TRAPPC3L: variants seen among roughly 807,000 people sequenced by gnomAD.
The protein encoded by TRAPPC3L is trafficking protein particle complex subunit 3-like protein.
In TRAPPC3L, 23 loss-of-function variants were observed where a neutral mutation model predicts 23.7. The ratio of observed to expected loss-of-function variants is 0.97; its 90% CI spans 0.70 to 1.37. The LOEUF (loss-of-function observed/expected upper bound fraction) is 1.37, where lower values mean the gene tolerates loss of function less well. Ranked by LOEUF, TRAPPC3L falls within the 40% of genes most tolerant of loss-of-function variation. The pLI is 0.00. For missense variants in TRAPPC3L, 212 were observed against 216.8 expected, an observed-to-expected ratio of 0.98 and a Z score of 0.14; for synonymous variants, 81 against 77.9, an observed-to-expected ratio of 1.04 and a Z score of -0.21.
At position 116,496,782 on chromosome 6, in the gene TRAPPC3L, A is replaced by G. The variant is rs1200134222; in HGVS notation, c.*172T>C. The G allele has an allele frequency of 2.2e-6, 2 of 906,124 alleles. No individual in the cohort carries two copies. Among genetic ancestry groups the G allele is most frequent in the Non-Finnish European group, 3.1e-6 (2 of 650,662 alleles). The allele number at this position is 906,124 out of a possible 1,614,324, so 56.1% of individuals were successfully genotyped here. ...TGAGATTGAAAATGCGTGATTTATAAGCAAAAGGAAAAAAAAACCTTTAAG... is the reference window on the plus strand; with the variant it reads ...TGAGATTGAAAATGCGTGATTTATAGGCAAAAGGAAAAAAAAACCTTTAAG... On this transcript the variant is annotated 3_prime_UTR_variant, in exon 5 of 5. Coordinates refer to ENST00000368602, the MANE Select transcript of TRAPPC3L (RefSeq NM_001139444.3).
At chr6:116,545,008 C>G (rs951234593) in intron 1 of TRAPPC3L, among the ~76,000 whole-genome samples, 1 of 151,630 alleles carries the variant, frequency 6.6e-6, no homozygotes, top group Non-Finnish European at 1.5e-5. Flanking sequence ...TATTACATAC[C>G]AAGCTACAAT....
intron 3 of TRAPPC3L, chr6:116,517,858 T>C (rs1390969463): frequency 6.6e-6 from 1 of 152,106 alleles, no homozygotes; most frequent in Non-Finnish European, 1.5e-5. Flanking sequence ...GTTGAGTCGA[T>C]CACAAATGGA....
intron 3 of TRAPPC3L, among the ~76,000 whole-genome samples, chr6:116,538,730 C>G (rs1323666151): frequency 6.7e-6 from 1 of 150,070 alleles, no homozygotes; most frequent in African/African-American, 2.5e-5. Context: ...TTAAATCTTT[C>G]TTTCTTTTTT....
intron 3 of TRAPPC3L, among the ~76,000 whole-genome samples, chr6:116,534,040 A>G (rs1479052610): frequency 6.6e-6 from 1 of 152,178 alleles, no homozygotes; most frequent in Non-Finnish European, 1.5e-5. Context: ...AGCCTTAAGA[A>G]GTGGAACTCT....
At chr6:116,540,861 G>T (rs1431195684) in intron 2 of TRAPPC3L, among the ~76,000 whole-genome samples, 1 of 152,046 alleles carries the variant, frequency 6.6e-6, no homozygotes, top group African/African-American at 2.4e-5. Flanking sequence ...TGTGATACCC[G>T]GATGCTCGCT....
chr6:116,498,812 C>G (rs1232892366), intron 4 of TRAPPC3L, among the ~76,000 whole-genome samples: 1 of 152,114 alleles, frequency 6.6e-6, no homozygotes, highest in Non-Finnish European at 1.5e-5. Flanking sequence ...CCTTCTTTTC[C>G]TACCTCTGAT....
chr6:116,544,403 T>C (rs1240451459), intron 1 of TRAPPC3L, among the ~76,000 whole-genome samples: 1 of 152,054 alleles, frequency 6.6e-6, no homozygotes, highest in East Asian at 1.9e-4. Context: ...TCAGTACCCA[T>C]AAAGGCCAGC....
chr6:116,524,350 G>A (rs552968928), intron 3 of TRAPPC3L: 15 of 152,272 alleles, frequency 9.9e-5, no homozygotes, highest in Non-Finnish European at 1.9e-4. Context: ...CAGTTATTTT[G>A]CTGAAGTTTT....
rs1771828027 is a variant in TRAPPC3L at position 116,495,910 on chromosome 6, TA to T, written c.*1043del. ...CCTATGGAGTTGGTTGAACTCCTTATATATTCTGGTTATTAATAGCACAAGG... is the reference window on the plus strand; with the variant it reads ...CCTATGGAGTTGGTTGAACTCCTTATTATTCTGGTTATTAATAGCACAAGG... On this transcript the variant is annotated 3_prime_UTR_variant, in exon 5 of 5. Transcript: ENST00000368602. 6.6e-6 allele frequency: 1 copy of T among 152,212 alleles called. No homozygotes were observed. Among genetic ancestry groups the T allele is most frequent in the Non-Finnish European group, 1.5e-5 (1 of 68,032 alleles). 9.4% of individuals were successfully genotyped at this position (152,212 alleles called of 1,614,324 possible). A position where few individuals can be genotyped will look rare whatever the true frequency, so the allele number is the denominator to read the frequency against.
At chr6:116,516,065 CTG>C in intron 3 of TRAPPC3L, 4 of 1,471,202 alleles carry the variant, frequency 2.7e-6, no homozygotes, top group Non-Finnish European at 3.6e-6. Flanking sequence ...CACCAGCAAC[CTG>C]TGTGTCTCTG....
intron 3 of TRAPPC3L, among the ~76,000 whole-genome samples, chr6:116,527,992 T>C (rs1309197657): frequency 1.3e-5 from 2 of 152,244 alleles, no homozygotes; most frequent in Non-Finnish European, 1.5e-5. Context: ...AGAGTATTTT[T>C]AGTAATAGAG....
chr6:116,501,156 A>T (rs1318242268), intron 3 of TRAPPC3L, among the ~76,000 whole-genome samples: 1 of 152,230 alleles, frequency 6.6e-6, no homozygotes, highest in Non-Finnish European at 1.5e-5. Context: ...CTTTTCTCAC[A>T]GTCTTCGCAT....
chr6:116,509,268 C>T (rs1772064279), intron 3 of TRAPPC3L, among the ~76,000 whole-genome samples: 1 of 152,088 alleles, frequency 6.6e-6, no homozygotes, highest in Non-Finnish European at 1.5e-5. Flanking sequence ...AACCATACTT[C>T]CCAAAGCAAT....
rs1183609041 is a variant in TRAPPC3L at position 116,496,249 on chromosome 6, C to G, written c.*705G>C. 1 of 152,040 alleles carries G rather than the reference C, an allele frequency of 6.6e-6. No homozygotes were observed. Among genetic ancestry groups the G allele is most frequent in the Admixed American group, 6.6e-5 (1 of 15,246 alleles). The allele number at this position is 152,040 out of a possible 1,614,324, so 9.4% of individuals were successfully genotyped here. A position where few individuals can be genotyped will look rare whatever the true frequency, so the allele number is the denominator to read the frequency against. On this transcript the variant is annotated 3_prime_UTR_variant, in exon 5 of 5. Coordinates refer to ENST00000368602, the MANE Select transcript of TRAPPC3L (RefSeq NM_001139444.3). The stretch of plus-strand genomic sequence containing the variant: ...AGTAATTTCAAAGAATATTATTTAT[C>G]CTTTATTTTAGAAGTTTCCTGGCCT...
intron 3 of TRAPPC3L, among the ~76,000 whole-genome samples, chr6:116,533,662 G>T (rs1183439954): frequency 2.0e-5 from 3 of 152,198 alleles, no homozygotes; most frequent in Non-Finnish European, 2.9e-5. Context: ...GCTGTTCAAT[G>T]CCCTACTTGT....
chr6:116,518,183 G>A (rs1772264274), intron 3 of TRAPPC3L: 1 of 152,232 alleles, frequency 6.6e-6, no homozygotes, highest in Non-Finnish European at 1.5e-5. Context: ...TAGAAGATGT[G>A]AGTAACTTTG....
intron 3 of TRAPPC3L, chr6:116,511,980 G>C: frequency 6.2e-7 from 1 of 1,614,016 alleles, no homozygotes; most frequent in South Asian, 1.1e-5. Flanking sequence ...CACAGCTGCC[G>C]TTTCTTCTAC....
chr6:116,495,300 C>T lies in TRAPPC3L; in HGVS notation c.*1654G>A, dbSNP rs1428585013. The T allele has an allele frequency of 6.6e-6, 1 of 151,962 alleles. No homozygotes were observed. The highest frequency in any genetic ancestry group is 1.5e-5 in the Non-Finnish European group (1 of 68,002). 9.4% of individuals were successfully genotyped at this position (151,962 alleles called of 1,614,324 possible). A position where few individuals can be genotyped will look rare whatever the true frequency, so the allele number is the denominator to read the frequency against. ...TTCTGTCCTGACATATTTCATTGAACATAATGACCTCTAGTTCCATCCATG... is the reference window on the plus strand; with the variant it reads ...TTCTGTCCTGACATATTTCATTGAATATAATGACCTCTAGTTCCATCCATG... On this transcript the variant is annotated 3_prime_UTR_variant, in exon 5 of 5. Transcript: ENST00000368602.
At chr6:116,514,614 G>A (rs771820792) in intron 3 of TRAPPC3L, among the ~76,000 whole-genome samples, 2 of 152,154 alleles carry the variant, frequency 1.3e-5, no homozygotes, top group Non-Finnish European at 2.9e-5. Flanking sequence ...CATAGTAAGG[G>A]GAAAGTTTAG....
Sources: allele counts gnomAD v4.1 joint callset (sites outside exome capture counted in the v4.1 genomes callset), GRCh38; gene constraint gnomAD v4.1.1; transcripts MANE v1.5; gene names NCBI Gene and HGNC (gene_info 2026-07-23, HGNC 2026-07-21).